The following LYRM4 variants were observed in gnomAD, a reference collection of about 807,000 sequenced individuals.
LYRM4 encodes the protein LYR motif-containing protein 4.
A neutral mutation model predicts 11.7 loss-of-function variants in LYRM4; 9 were observed. The observed-to-expected ratio is 0.77, with a 90% CI of 0.46 to 1.34. LYRM4 has a LOEUF of 1.34. LYRM4 is among the 40% of genes most tolerant of loss of function. The pLI is 0.00. For missense variants in LYRM4, 133 were observed against 112.5 expected, an observed-to-expected ratio of 1.18 and a Z score of -0.82; for synonymous variants, 42 against 40.4, an observed-to-expected ratio of 1.04 and a Z score of -0.15.
chr6:5,179,457 C>T (rs998443621), intron 2 of LYRM4, among the ~76,000 whole-genome samples: 6 of 152,192 alleles, frequency 3.9e-5, no homozygotes, highest in Non-Finnish European at 2.9e-5. Context: ...CCCTGGCAAT[C>T]ACCATTCTAC....
the LYRM4 span, among the ~76,000 whole-genome samples, chr6:5,070,867 TTG>T: frequency 2.9e-5 from 3 of 103,224 alleles, no homozygotes; most frequent in Admixed American, 1.0e-4. Flanking sequence ...AGACCCTGTC[TTG>T]AAAAAAAAAA....
intron 2 of LYRM4, among the ~76,000 whole-genome samples, chr6:5,157,095 G>A (rs569016361): frequency 6.6e-6 from 1 of 152,254 alleles, no homozygotes; most frequent in African/African-American, 2.4e-5. Context: ...GTGAGTTAGT[G>A]AACCTAGCAA....
downstream of LYRM4, among the ~76,000 whole-genome samples, chr6:5,100,905 T>C (rs1762478637): frequency 6.6e-6 from 1 of 152,220 alleles, no homozygotes; most frequent in Non-Finnish European, 1.5e-5. Flanking sequence ...CATTTGGAAA[T>C]GCCTTTTGGA....
chr6:5,135,763 CACA>C (rs1490759171), intron 2 of LYRM4, among the ~76,000 whole-genome samples: 1 of 152,168 alleles, frequency 6.6e-6, no homozygotes, highest in Non-Finnish European at 1.5e-5. Context: ...ATACACAAAA[CACA>C]ACATTTATCA....
At chr6:5,057,024 A>C in the LYRM4 span, among the ~76,000 whole-genome samples, 2 of 152,314 alleles carry the variant, frequency 1.3e-5, no homozygotes, top group South Asian at 4.1e-4. Context: ...AGAGTTAATA[A>C]AATTAATTAT....
chr6:5,158,032 T>A (rs1758520077), intron 2 of LYRM4, among the ~76,000 whole-genome samples: 1 of 152,038 alleles, frequency 6.6e-6, no homozygotes, highest in Non-Finnish European at 1.5e-5. Context: ...ACACACTCTG[T>A]TTGCTATGGG....
the LYRM4 span, among the ~76,000 whole-genome samples, chr6:5,069,953 A>G: frequency 6.6e-6 from 1 of 152,342 alleles, no homozygotes; most frequent in Non-Finnish European, 1.5e-5. Flanking sequence ...GAGTTAATCA[A>G]TGGAAGCACC....
intron 2 of LYRM4, among the ~76,000 whole-genome samples, chr6:5,201,177 G>C (rs1465572020): frequency 6.6e-6 from 1 of 152,082 alleles, no homozygotes; most frequent in Non-Finnish European, 1.5e-5. Flanking sequence ...ATGGGTATCT[G>C]ATATGGAATG....
intron 1 of LYRM4, among the ~76,000 whole-genome samples, chr6:5,222,680 CTCAG>C (rs1762647340): frequency 6.7e-6 from 1 of 150,328 alleles, no homozygotes. Context: ...TAAATTATTC[CTCAG>C]TAAGATGACT....
At chr6:5,218,675 T>C (rs1326812915) in intron 1 of LYRM4, among the ~76,000 whole-genome samples, 3 of 152,198 alleles carry the variant, frequency 2.0e-5, no homozygotes, top group Non-Finnish European at 4.4e-5. Context: ...CCTAAAGGGC[T>C]ACAGCGATTG....
the LYRM4 span, chr6:5,086,725 C>A: frequency 4.8e-6 from 3 of 631,284 alleles, no homozygotes; most frequent in African/African-American, 1.8e-5. Context: ...GACTCGCACC[C>A]CCGCAGACAA....
chr6:5,104,934 A>G (rs973798506), downstream of LYRM4: 1 of 152,034 alleles, frequency 6.6e-6, no homozygotes, highest in Non-Finnish European at 1.5e-5. Flanking sequence ...GACTGTTTCG[A>G]CTGTTTCTCC....
chr6:5,180,292 G>C (rs1759993458), intron 2 of LYRM4, among the ~76,000 whole-genome samples: 1 of 152,164 alleles, frequency 6.6e-6, no homozygotes, highest in Non-Finnish European at 1.5e-5. Flanking sequence ...TGGCAGGATT[G>C]AACATCTTCC....
chr6:5,161,006 C>G (rs147624593), intron 2 of LYRM4, among the ~76,000 whole-genome samples: 161 of 152,258 alleles, frequency 1.1e-3, no homozygotes, highest in Middle Eastern at 3.4e-3. Flanking sequence ...TCCCACTAGA[C>G]AAATTAAGAA....
At chr6:5,143,068 A>G (rs920856573) in intron 2 of LYRM4, among the ~76,000 whole-genome samples, 3 of 152,190 alleles carry the variant, frequency 2.0e-5, no homozygotes, top group African/African-American at 7.2e-5. Flanking sequence ...TGCCACATGT[A>G]TTGGTTCAGA....
rs1764035278 is a variant in LYRM4 at position 5,133,211 on chromosome 6, C to CCT, written c.208-23722_208-23721dup. 2.0e-5 allele frequency among the ~76,000 whole-genome samples: 3 copies of CCT among 152,172 alleles called. No homozygotes were observed. In the South Asian group the frequency reaches 6.2e-4, roughly 32 times the overall value. ...GGTAGCTAGAAACAGAGGGCTCTTT[C>CCT]CTCTCACATAAAAGCAAAATCAAGA... is the stretch of plus-strand genomic sequence containing the variant. On this transcript the variant is annotated intron_variant, in intron 2 of 2. Coordinates refer to ENST00000330636, the MANE Select transcript of LYRM4 (RefSeq NM_020408.6).
At chr6:5,033,582 G>A in the LYRM4 span, 1 of 152,302 alleles carries the variant, frequency 6.6e-6, no homozygotes, top group Non-Finnish European at 1.5e-5. Context: ...TCCTCACCTG[G>A]ATACATCCAT....
intron 2 of LYRM4, chr6:5,136,746 A>T (rs2127618804): frequency 1.0e-6 from 1 of 985,452 alleles, no homozygotes; most frequent in Admixed American, 6.1e-5. Flanking sequence ...CAGCGCCTGT[A>T]GGAAGACTGG....
At chr6:5,085,450 G>T in the LYRM4 span, 6 of 1,464,100 alleles carry the variant, frequency 4.1e-6, no homozygotes, top group African/African-American at 5.7e-5. Context: ...AGAGGGGCCC[G>T]GTTCGGCCCG....
Sources: allele counts gnomAD v4.1 joint callset (sites outside exome capture counted in the v4.1 genomes callset), GRCh38; gene constraint gnomAD v4.1.1; transcripts MANE v1.5; gene names NCBI Gene and HGNC (gene_info 2026-07-23, HGNC 2026-07-21).